The following TTN variants were observed in gnomAD, a reference collection of about 807,000 sequenced individuals.
TTN encodes connectin.
A neutral mutation model predicts 3,223.0 loss-of-function variants in TTN; 1,525 were observed. That is an observed-to-expected ratio of 0.47 (90% confidence interval 0.45 to 0.49). The LOEUF is 0.49. TTN is among the 20% of genes least tolerant of loss of function. TTN has a pLI of 0.00. For missense variants in TTN, 40,786 were observed against 43,424.0 expected (o/e 0.94, Z 5.40); for synonymous variants, 14,094 against 15,161.0 (o/e 0.93, Z 5.17).
rs2291301 is a variant in TTN at position 178,779,207 on chromosome 2, A to G, written c.3963+22T>C. 1,577,361 of 1,613,092 alleles carry G rather than the reference A, an allele frequency of 0.98. 772,225 individuals are homozygous for G. Among genetic ancestry groups the G allele is most frequent in the Non-Finnish European group, 0.99 (1,170,428 of 1,179,726 alleles). ...TGTATCTTTACTGTGGCAAGGAGCT[A>G]TGATAAATGTTTATATTTTACCTTT... On this transcript the variant is annotated intron_variant, in intron 23 of 362. Coordinates refer to ENST00000589042, the MANE Select transcript of TTN (RefSeq NM_001267550.2).
Position 178,564,661 on chromosome 2 carries a change from C to A in TTN, c.81471G>T (p.Lys27157Asn). Residue 27157 changes from lysine to asparagine, a missense_variant, in exon 326 of 363, where the codon AAG (lysine) becomes AAT (asparagine). Transcript: ENST00000589042. ...CAAAGCATTCTGACACTTTGCTAGGCTTGCCAATGCCAACAATATTTTCAG... is the reference window on the plus strand; with the variant it reads ...CAAAGCATTCTGACACTTTGCTAGGATTGCCAATGCCAACAATATTTTCAG... ...VSAENIVGIG[K>N]PSKVSECFVA... 1 of 1,613,552 alleles carries A rather than the reference C, an allele frequency of 6.2e-7. No homozygotes were observed. The highest frequency in any genetic ancestry group is 8.5e-7 in the Non-Finnish European group (1 of 1,179,728).
At chr2:178,706,206 C>T (rs747150065) in intron 102 of TTN, among the ~76,000 whole-genome samples, 1 of 152,186 alleles carries the variant, frequency 6.6e-6, no homozygotes, top group Non-Finnish European at 1.5e-5. Context: ...TGCTCAAGTC[C>T]CTGATGCAAA....
intron 46 of TTN, chr2:178,754,089 T>C (rs1268552238): frequency 6.6e-6 from 1 of 152,144 alleles, no homozygotes; most frequent in African/African-American, 2.4e-5. Context: ...GTGGAGAAGA[T>C]GGAATGTCAT....
Position 178,554,845 on chromosome 2 carries a change from G to A in TTN, c.88594+20C>T, listed in dbSNP as rs995512261. ...CTTTAGGCAAATGTAATATGACAGTGGTCTGTATTCAGCACCTACCAAGGA... is the reference window on the plus strand; with the variant it reads ...CTTTAGGCAAATGTAATATGACAGTAGTCTGTATTCAGCACCTACCAAGGA... On this transcript the variant is annotated intron_variant, in intron 331 of 362. Transcript: ENST00000589042. 5 of 1,613,468 alleles carry A rather than the reference G, an allele frequency of 3.1e-6. No individual in the cohort carries two copies. Among genetic ancestry groups the A allele is most frequent in the Admixed American group, 3.3e-5 (2 of 59,936 alleles).
intron 34 of TTN, chr2:178,770,951 G>C (rs1366284549): frequency 1.3e-6 from 1 of 771,638 alleles, no homozygotes; most frequent in Non-Finnish European, 2.2e-6. Flanking sequence ...TTGGAGAAGG[G>C]TGAAAGACGA....
At position 178,540,265 on chromosome 2, in the gene TTN, C is replaced by A. The variant is rs752930173; in HGVS notation, c.97901G>T (p.Gly32634Val). ...TACTTTTTGCATTTCAATCAAGTAG[C>A]CTGTGACTTTAGATCCTCCTTCATC... ...PEDEGGSKVT[G>V]YLIEMQKVDQ... Residue 32634 changes from glycine to valine, a missense_variant, in exon 351 of 363, where the codon GGC (glycine) becomes GTC (valine). By Grantham distance (109) the Gly-to-Val change is moderately radical (BLOSUM62 -3). Coordinates refer to ENST00000589042, the MANE Select transcript of TTN (RefSeq NM_001267550.2). 6.2e-7 allele frequency: 1 copy of A among 1,613,838 alleles called. No homozygotes were observed. The highest frequency in any genetic ancestry group is 8.5e-7 in the Non-Finnish European group (1 of 1,179,780).
rs777777663 is a variant in TTN, at chr2:178,751,130, G to C, written c.11311+1994C>G. The C allele has an allele frequency of 6.6e-5, 107 of 1,612,706 alleles. No individual in the cohort carries two copies. The highest frequency in any genetic ancestry group is 9.0e-5 in the Non-Finnish European group (106 of 1,179,312). On this transcript the variant is annotated intron_variant, in intron 47 of 362. Coordinates refer to ENST00000589042, the MANE Select transcript of TTN (RefSeq NM_001267550.2). Reference sequence around the variant, plus strand: ...TGAATGATCTACCTTATAACTTTCAGCTAGATCAGACATAGATCTGATTTT... The same window carrying C: ...TGAATGATCTACCTTATAACTTTCACCTAGATCAGACATAGATCTGATTTT...
Position 178,613,850 on chromosome 2 carries a change from C to T in TTN, c.49433G>A (p.Gly16478Asp). 1 of 1,612,454 alleles carries T rather than the reference C, an allele frequency of 6.2e-7. No individual in the cohort carries two copies. The highest frequency in any genetic ancestry group is 8.5e-7 in the Non-Finnish European group (1 of 1,179,072). The change falls in exon 263 of 363, where the codon GGT becomes GAT. Residue 16478 changes from glycine (G) to aspartate (D), a missense_variant. Physicochemically the swap from Gly to Asp is moderately conservative, Grantham distance 94. Coordinates refer to ENST00000589042, the MANE Select transcript of TTN (RefSeq NM_001267550.2). Reference sequence around the variant, plus strand: ...CCAGTATCCTGTGATTGGGCTGCCACCATCATCATCTGGCTCACACCATGT... The same window carrying T: ...CCAGTATCCTGTGATTGGGCTGCCATCATCATCATCTGGCTCACACCATGT... ...TLTWCEPDDD[G>D]GSPITGYWVE...
rs986722126 is a variant in TTN at position 178,543,577 on chromosome 2, A to G, written c.96396T>C (p.Asp32132=). ...VTITWEIPTI[D]GGAPVNNYIV... Reference sequence around the variant, plus strand: ...TGTAATTGTTGACTGGAGCTCCACCATCAATCGTGGGAATTTCCCAAGTTA... The same window carrying G: ...TGTAATTGTTGACTGGAGCTCCACCGTCAATCGTGGGAATTTCCCAAGTTA... Residue 32132 remains aspartate (D), a synonymous_variant, in exon 347 of 363, where the codon GAT becomes GAC. Transcript: ENST00000589042. The G allele has an allele frequency of 1.2e-6, 2 of 1,609,154 alleles. No homozygotes were observed. Among genetic ancestry groups the G allele is most frequent in the Non-Finnish European group, 8.5e-7 (1 of 1,179,654 alleles).
In TTN at chr2:178,633,447, G is replaced by A; in HGVS notation, c.42912C>T (p.Gly14304=). 1 of 1,613,368 alleles carries A rather than the reference G, an allele frequency of 6.2e-7. No individual in the cohort carries two copies. The highest frequency in any genetic ancestry group is 1.3e-5 in the African/African-American group (1 of 75,006). ...KDKGEYVCDC[G]TDKTKANVTV... is the part of the protein sequence containing the mutation. ...TAACATTTGCCTTGGTCTTGTCTGT[G>A]CCACAGTCACACACATATTCGCCTT... The change falls in exon 232 of 363, where the codon GGC becomes GGT. Residue 14304 remains glycine, a synonymous_variant. Coordinates refer to ENST00000589042, the MANE Select transcript of TTN (RefSeq NM_001267550.2).
rs1690922403 is a variant in TTN at position 178,535,280 on chromosome 2, G to A, written c.101335C>T (p.Pro33779Ser). Reference sequence around the variant, plus strand: ...GTCTTATCTTCTTTGGTTATGGTTGGTTCTGAAGGCTCTGAAGGCTTGCTC... The same window carrying A: ...GTCTTATCTTCTTTGGTTATGGTTGATTCTGAAGGCTCTGAAGGCTTGCTC... ...GLSKPSEPSE[P>S]TITKEDKTRA... The change falls in exon 358 of 363, where the codon CCA (proline) becomes TCA (serine). Residue 33779 changes from proline (P) to serine (S), a missense_variant. By Grantham distance (74) the Pro-to-Ser change is moderately conservative. Coordinates refer to ENST00000589042, the MANE Select transcript of TTN (RefSeq NM_001267550.2). 3 of 1,613,718 alleles carry A rather than the reference G, an allele frequency of 1.9e-6. No individual in the cohort carries two copies. Among genetic ancestry groups the A allele is most frequent in the Non-Finnish European group, 2.5e-6 (3 of 1,179,850 alleles).
At chr2:178,663,976 G>T in intron 169 of TTN, 39 bp downstream of exon 169, 1 of 1,611,496 alleles carries the variant, frequency 6.2e-7, no homozygotes, top group Non-Finnish European at 8.5e-7. Context: ...AAGAGCAGAA[G>T]AATTAGGTCT....
In TTN at chr2:178,632,416, A is replaced by C; in HGVS notation, c.43481-3T>G. On this transcript the variant is annotated splice_region_variant and splice_polypyrimidine_tract_variant and intron_variant, in intron 235 of 362. Coordinates refer to ENST00000589042, the MANE Select transcript of TTN (RefSeq NM_001267550.2). ...GGTGAGGAATTTGAGCCGGATTCCTATCAAGAAAAAAAAGAAAGAACTTAT... is the reference window on the plus strand; with the variant it reads ...GGTGAGGAATTTGAGCCGGATTCCTCTCAAGAAAAAAAAGAAAGAACTTAT... The C allele has an allele frequency of 3.8e-6, 6 of 1,574,964 alleles. No homozygotes were observed. Among genetic ancestry groups the C allele is most frequent in the Non-Finnish European group, 5.1e-6 (6 of 1,165,240 alleles).
chr2:178,583,371 A>G, intron 312 of TTN, 144 bp from the exon 313 acceptor site: 1 of 910,112 alleles, frequency 1.1e-6, no homozygotes, highest in Non-Finnish European at 1.5e-6. Context: ...TAATAGACAA[A>G]TAATAACTGC....
At position 178,764,740 on chromosome 2, in the gene TTN, A is replaced by G; in HGVS notation, c.9775T>C (p.Cys3259Arg). 1 of 1,614,050 alleles carries G rather than the reference A, an allele frequency of 6.2e-7. No homozygotes were observed. The highest frequency in any genetic ancestry group is 8.5e-7 in the Non-Finnish European group (1 of 1,179,988). The change falls in exon 42 of 363, where the codon TGT becomes CGT. Residue 3259 changes from cysteine (C) to arginine (R), a missense_variant. Transcript: ENST00000589042. The part of the protein sequence containing the change: ...TVQSGKPARF[C>R]AVISGRPQPK... ...TGTGGTCTTCCGGATATCACGGCAC[A>G]GAAGCGGGCAGGCTTGCCAGACTGC...
chr2:178,801,949 GT>G (rs1207101586), intron 3 of TTN, among the ~76,000 whole-genome samples, 188 bp downstream of exon 3: 1 of 152,130 alleles, frequency 6.6e-6, no homozygotes, highest in African/African-American at 2.4e-5. Context: ...CTTTTACGAT[GT>G]ACTCTAGAGG....
Position 178,607,437 on chromosome 2 carries a change from C to G in TTN, c.53251G>C (p.Gly17751Arg). 1 of 1,613,150 alleles carries G rather than the reference C, an allele frequency of 6.2e-7. No homozygotes were observed. Among genetic ancestry groups the G allele is most frequent in the Non-Finnish European group, 8.5e-7 (1 of 1,179,390 alleles). ...RYVITATNSC[G>R]SKFAAARVEV... ...ACCCTGGCTGCTGCAAATTTGGAACCACAGCTATTTGTAGCTGTAATCACA... is the reference window on the plus strand; with the variant it reads ...ACCCTGGCTGCTGCAAATTTGGAACGACAGCTATTTGTAGCTGTAATCACA... The change falls in exon 277 of 363, where the codon GGT becomes CGT. Residue 17751 changes from glycine (G) to arginine (R), a missense_variant. Gly to Arg is a moderately radical substitution (Grantham distance 125). Coordinates refer to ENST00000589042, the MANE Select transcript of TTN (RefSeq NM_001267550.2).
Position 178,719,681 on chromosome 2 carries a change from A to C in TTN, c.23811T>G (p.Ile7937Met). 6.2e-7 allele frequency: 1 copy of C among 1,613,688 alleles called. No individual in the cohort carries two copies. The highest frequency in any genetic ancestry group is 1.1e-5 in the South Asian group (1 of 91,076). ...RELSADSKHH[I>M]TFINKVASLK... ...GGGAAGCCACTTTATTGATGAATGTAATGTGATGTTTGCTGTCTGCAGACA... is the reference window on the plus strand; with the variant it reads ...GGGAAGCCACTTTATTGATGAATGTCATGTGATGTTTGCTGTCTGCAGACA... Residue 7937 changes from isoleucine to methionine, a missense_variant, in exon 82 of 363, where the codon ATT becomes ATG. Ile to Met is a conservative substitution (Grantham distance 10). Coordinates refer to ENST00000589042, the MANE Select transcript of TTN (RefSeq NM_001267550.2).
Position 178,678,200 on chromosome 2 carries a change from C to T in TTN, c.33919G>A (p.Val11307Met). The T allele has an allele frequency of 2.5e-6, 4 of 1,606,996 alleles. No individual in the cohort carries two copies. The highest frequency in any genetic ancestry group is 1.7e-6 in the Non-Finnish European group (2 of 1,177,816). Residue 11307 changes from valine (V) to methionine (M), a missense_variant, in exon 145 of 363, where the codon GTG (valine) becomes ATG (methionine). Physicochemically the swap from Val to Met is conservative, Grantham distance 21. Transcript: ENST00000589042. ...TCTTCTGGGATGAGCTTCTTGGGCA[C>T]CTCTGGCACTTTAAAGATATTATTT... Reference protein sequence around the residue: ...VEAPPAKVPEVPKKLIPEEKK... With the variant: ...VEAPPAKVPEMPKKLIPEEKK...
Sources: gnomAD v4.1 joint callset for allele counts (sites outside exome capture counted in the v4.1 genomes callset) on GRCh38, gnomAD v4.1.1 for gene constraint, MANE v1.5 for transcripts, NCBI Gene and HGNC (gene_info 2026-07-23, HGNC 2026-07-21) for gene names.